The following DNAH14 variants were observed in gnomAD, a reference collection of about 807,000 sequenced individuals.
The protein encoded by DNAH14 is axonemal beta dynein heavy chain 14.
Under a neutral mutation model 520.9 loss-of-function variants are expected in DNAH14, and 478 were observed. The ratio of observed to expected loss-of-function variants is 0.92; its 90% CI spans 0.85 to 0.99. The LOEUF is 0.99. Among genes scored for constraint, DNAH14 ranks in the 50% least tolerant of loss-of-function variants. The pLI is 0.00. For synonymous variants in DNAH14, 1,581 were observed against 1,757.2 expected, an observed-to-expected ratio of 0.90 and a Z score of 2.51; for missense variants, 4,831 against 5,234.5, an observed-to-expected ratio of 0.92 and a Z score of 2.38.
At chr1:225,046,436 T>G (rs1267313052) in intron 15 of DNAH14, among the ~76,000 whole-genome samples, 1 of 152,168 alleles carries the variant, frequency 6.6e-6, no homozygotes, top group Non-Finnish European at 1.5e-5. Flanking sequence ...GATTTCATTT[T>G]TATATTTAAA....
At chr1:225,349,021 G>C (rs1574957759) in intron 71 of DNAH14, among the ~76,000 whole-genome samples, 2 of 152,186 alleles carry the variant, frequency 1.3e-5, no homozygotes, top group East Asian at 3.9e-4. Flanking sequence ...ACCCAGGCTA[G>C]AATACAGTGA....
chr1:224,947,188 G>A (rs575885940), intron 1 of DNAH14, among the ~76,000 whole-genome samples: 1 of 152,144 alleles, frequency 6.6e-6, no homozygotes, highest in South Asian at 2.1e-4. Context: ...AAAGTGCTGG[G>A]ATTACAGGCG....
intron 21 of DNAH14, among the ~76,000 whole-genome samples, chr1:225,089,572 C>G (rs1191092649): frequency 6.6e-6 from 1 of 150,692 alleles, no homozygotes; most frequent in Non-Finnish European, 1.5e-5. Flanking sequence ...AATATAGATG[C>G]AAACATTCTA....
At chr1:225,321,548 G>A (rs893995433) in intron 61 of DNAH14, among the ~76,000 whole-genome samples, 5 of 152,162 alleles carry the variant, frequency 3.3e-5, no homozygotes, top group African/African-American at 1.2e-4. Context: ...AAGTCTGTGC[G>A]ATTTTCACTT....
rs116791029 is a variant in DNAH14, at chr1:225,041,059, A to C, written c.1489-1776A>C. Among the ~76,000 whole-genome samples, 765 of 152,342 alleles carry C rather than the reference A, an allele frequency of 5.0e-3. 6 individuals carry two copies. Among genetic ancestry groups the C allele is most frequent in the African/African-American group, 0.017 (722 of 41,596 alleles). ...TATGTATATATACATGTGTGGGTTC[A>C]ATGCAGGCTGACAGAGTGGAGATTT... On this transcript the variant is annotated intron_variant, in intron 12 of 85. Coordinates refer to ENST00000682510, the MANE Select transcript of DNAH14 (RefSeq NM_001367479.1).
intron 27 of DNAH14, among the ~76,000 whole-genome samples, chr1:225,135,828 A>T (rs1206723833): frequency 6.6e-6 from 1 of 151,648 alleles, no homozygotes; most frequent in Non-Finnish European, 1.5e-5. Context: ...TTGCTTTCTG[A>T]AGCTGGGTCC....
chr1:225,072,416 TTTTGTCTGTC>T (rs1214328222), intron 17 of DNAH14, among the ~76,000 whole-genome samples: 3 of 152,192 alleles, frequency 2.0e-5, no homozygotes, highest in Non-Finnish European at 4.4e-5. Context: ...TTACTGGCTA[TTTTGTCTGTC>T]AGCTCCTGCA....
intron 23 of DNAH14, among the ~76,000 whole-genome samples, chr1:225,108,838 A>G (rs78867720): frequency 0.081 from 12,364 of 152,214 alleles, 1,620 homozygotes; most frequent in African/African-American, 0.28. Context: ...TAGTAGTTTA[A>G]TAGTTTGAGG....
At chr1:225,004,609 C>T (rs2064024554) in intron 9 of DNAH14, among the ~76,000 whole-genome samples, 1 of 152,140 alleles carries the variant, frequency 6.6e-6, no homozygotes, top group South Asian at 2.1e-4. Context: ...GGCAGGGGCA[C>T]TCCTAGTGGT....
chr1:225,303,130 C>A, intron 56 of DNAH14, 26 bp from the exon 57 acceptor site: 1 of 1,384,306 alleles, frequency 7.2e-7, no homozygotes, highest in Non-Finnish European at 9.7e-7. Flanking sequence ...TACATTTTAA[C>A]AATTTATATT....
chr1:225,031,139 G>A (rs2066491351), intron 11 of DNAH14, among the ~76,000 whole-genome samples: 1 of 151,900 alleles, frequency 6.6e-6, no homozygotes, highest in Admixed American at 6.6e-5. Flanking sequence ...TATTAAAAAT[G>A]GTACCATATT....
At chr1:225,179,895 T>G (rs1430665636) in intron 36 of DNAH14, among the ~76,000 whole-genome samples, 2 of 147,378 alleles carry the variant, frequency 1.4e-5, no homozygotes, top group Admixed American at 1.4e-4. Context: ...TATTCTCAGT[T>G]GACAGTTTTT....
intron 6 of DNAH14, 118 bp downstream of exon 6, chr1:224,967,701 G>T: frequency 1.3e-6 from 2 of 1,596,008 alleles, no homozygotes; most frequent in Non-Finnish European, 1.7e-6. Context: ...CATTTGTGGA[G>T]CAGTTTATAT....
intron 9 of DNAH14, among the ~76,000 whole-genome samples, chr1:225,003,686 TGAA>T (rs949665088): frequency 1.1e-4 from 17 of 152,100 alleles, no homozygotes; most frequent in African/African-American, 4.1e-4. Flanking sequence ...AATAAACTAA[TGAA>T]GGAGGAGGAA....
At chr1:225,275,379 C>A (rs998594993) in intron 52 of DNAH14, among the ~76,000 whole-genome samples, 6 of 152,106 alleles carry the variant, frequency 3.9e-5, no homozygotes, top group African/African-American at 1.2e-4. Context: ...AGTGGTGGAA[C>A]AAAGGAGGAA....
At chr1:225,055,019 T>C in intron 17 of DNAH14, among the ~76,000 whole-genome samples, 1 of 152,108 alleles carries the variant, frequency 6.6e-6, no homozygotes, top group Non-Finnish European at 1.5e-5. Context: ...TTTTGCTGTA[T>C]TGATCAGTTG....
At chr1:225,073,442 G>C (rs1420615028) in intron 17 of DNAH14, among the ~76,000 whole-genome samples, 2 of 152,032 alleles carry the variant, frequency 1.3e-5, no homozygotes, top group African/African-American at 4.8e-5. Context: ...CAACGACAAG[G>C]AACAGGATTG....
Position 225,331,720 on chromosome 1 carries a change from T to C in DNAH14, c.9864+143T>C, listed in dbSNP as rs2094801923. The C allele has an allele frequency of 4.5e-5, 51 of 1,141,320 alleles. No homozygotes were observed. In the South Asian group the frequency reaches 7.3e-4, roughly 16 times the overall value. The allele number at this position is 1,141,320 out of a possible 1,614,324, so 70.7% of individuals were successfully genotyped here. A position where few individuals can be genotyped will look rare whatever the true frequency, so the allele number is the denominator to read the frequency against. The stretch of plus-strand genomic sequence containing the variant: ...AGTTTCTTATTGGGATCAGTAGACA[T>C]CCTATTCACATAAAGAAATCCTGTT... On this transcript the variant is annotated intron_variant, in intron 65 of 85. Coordinates refer to ENST00000682510, the MANE Select transcript of DNAH14 (RefSeq NM_001367479.1).
chr1:225,322,732 A>G lies in DNAH14; in HGVS notation c.9404A>G (p.Lys3135Arg), dbSNP rs775356757. The G allele has an allele frequency of 6.4e-7, 1 of 1,551,640 alleles. No homozygotes were observed. The highest frequency in any genetic ancestry group is 8.7e-7 in the Non-Finnish European group (1 of 1,146,936). The change falls in exon 62 of 86, where the codon AAA becomes AGA. Residue 3135 changes from lysine (K) to arginine (R), a missense_variant. Lys to Arg is a conservative substitution (Grantham distance 26). Transcript: ENST00000682510. The stretch of plus-strand genomic sequence containing the variant: ...GCAGTGTGTATTCTTCTGCAAAAGA[A>G]ACCTAACTGGGCAACGGCAAAGTTA... ...MNAVCILLQK[K>R]PNWATAKLLL... is the part of the protein sequence containing the mutation.
Sources: allele counts gnomAD v4.1 joint callset (sites outside exome capture counted in the v4.1 genomes callset), GRCh38; gene constraint gnomAD v4.1.1; transcripts MANE v1.5; gene names NCBI Gene and HGNC (gene_info 2026-07-23, HGNC 2026-07-21).